Variants in ROBO1 observed in about 807,000 individuals in gnomAD.
The protein encoded by ROBO1 is roundabout homolog 1.
A neutral mutation model predicts 195.9 loss-of-function variants in ROBO1; 149 were observed. The observed-to-expected ratio is 0.76, with a 90% CI of 0.67 to 0.87. ROBO1 has a LOEUF of 0.87. Ranked by LOEUF, ROBO1 falls within the 40% of genes least tolerant of loss-of-function variation. The pLI is 0.00. For missense variants in ROBO1, 1,933 were observed against 2,068.3 expected (o/e 0.93, Z 1.27); for synonymous variants, 816 against 733.2 (o/e 1.11, Z -1.82).
chr3:79,637,721 C>T (rs1025665919), intron 1 of ROBO1, among the ~76,000 whole-genome samples: 3 of 151,904 alleles, frequency 2.0e-5, no homozygotes, highest in African/African-American at 7.3e-5. Context: ...TAACACATAA[C>T]ACAATGCTTT....
intron 2 of ROBO1, among the ~76,000 whole-genome samples, chr3:79,314,157 T>C (rs535670587): frequency 6.6e-6 from 1 of 152,356 alleles, no homozygotes; most frequent in South Asian, 2.1e-4. Context: ...TCATCTTTAC[T>C]TGGATTTTGT....
intron 2 of ROBO1, among the ~76,000 whole-genome samples, chr3:79,413,474 G>A (rs1026608775): frequency 2.0e-5 from 3 of 152,050 alleles, no homozygotes; most frequent in African/African-American, 7.2e-5. Context: ...ATTGTGGTCA[G>A]GTGTGGAGAA....
At chr3:79,399,551 T>C (rs542032381) in intron 2 of ROBO1, among the ~76,000 whole-genome samples, 11 of 152,188 alleles carry the variant, frequency 7.2e-5, no homozygotes, top group Non-Finnish European at 1.3e-4. Context: ...TATATACTGA[T>C]TAAGCCTGTA....
At chr3:79,677,937 A>T (rs1946834479) in intron 1 of ROBO1, among the ~76,000 whole-genome samples, 1 of 152,114 alleles carries the variant, frequency 6.6e-6, no homozygotes, top group African/African-American at 2.4e-5. Context: ...TAATAAATAC[A>T]TGCTATTTTA....
intron 2 of ROBO1, among the ~76,000 whole-genome samples, chr3:79,441,725 G>A (rs989741963): frequency 1.5e-4 from 23 of 152,116 alleles, no homozygotes; most frequent in South Asian, 1.0e-3. Flanking sequence ...GGAAAAAAAC[G>A]AATCTCATTT....
At chr3:79,303,008 C>G (rs889999398) in intron 2 of ROBO1, among the ~76,000 whole-genome samples, 2 of 151,902 alleles carry the variant, frequency 1.3e-5, no homozygotes, top group Non-Finnish European at 2.9e-5. Flanking sequence ...GTACATAGCT[C>G]AATTTTAAAT....
At position 78,646,184 on chromosome 3, in the gene ROBO1, T is replaced by C; in HGVS notation, c.2846A>G (p.Tyr949Cys). 6.2e-7 allele frequency: 1 copy of C among 1,607,664 alleles called. No individual in the cohort carries two copies. The highest frequency in any genetic ancestry group is 8.5e-7 in the Non-Finnish European group (1 of 1,175,620). The change falls in exon 21 of 31, where the codon TAC becomes TGC. Residue 949 changes from tyrosine (Y) to cysteine (C), a missense_variant. Physicochemically the swap from Tyr to Cys is radical, Grantham distance 194. Around this residue, in one of 3 missense-constraint regions of ROBO1, gnomAD observed 1,737 missense variants for 1,882.5 expected, o/e 0.92. Transcript: ENST00000464233. Reference protein sequence around the residue: ...PSFTFTPTVTYQRGGEAVSSG... With the variant: ...PSFTFTPTVTCQRGGEAVSSG... ...GCTGACAGCTTCGCCTCCTCTCTGG[T>C]AAGTTACTAGAATGTTACGAAAAAA...
intron 3 of ROBO1, among the ~76,000 whole-genome samples, chr3:79,044,334 T>A (rs1173518540): frequency 6.6e-6 from 1 of 152,090 alleles, no homozygotes; most frequent in Non-Finnish European, 1.5e-5. Flanking sequence ...TTTTATTAAA[T>A]AAATGAGTTA....
intron 3 of ROBO1, among the ~76,000 whole-genome samples, chr3:79,082,329 G>T (rs953239917): frequency 6.6e-6 from 1 of 151,986 alleles, no homozygotes; most frequent in African/African-American, 2.4e-5. Context: ...TACTTATTAT[G>T]CATTTATGAT....
At chr3:79,416,599 C>A (rs2038014080) in intron 2 of ROBO1, among the ~76,000 whole-genome samples, 1 of 140,488 alleles carries the variant, frequency 7.1e-6, no homozygotes. Context: ...GAGAGTGAAA[C>A]TCTTAAAAAA....
chr3:79,754,258 T>A (rs1354209544), intron 1 of ROBO1, among the ~76,000 whole-genome samples: 3 of 152,168 alleles, frequency 2.0e-5, no homozygotes, highest in African/African-American at 4.8e-5. Flanking sequence ...ATATTTTATA[T>A]GCAATGTTAG....
chr3:79,651,603 C>T (rs1159079894), intron 1 of ROBO1, among the ~76,000 whole-genome samples: 3 of 152,096 alleles, frequency 2.0e-5, no homozygotes, highest in Non-Finnish European at 4.4e-5. Context: ...AGTCAGCAAC[C>T]TCTTAGCCTT....
intron 3 of ROBO1, among the ~76,000 whole-genome samples, chr3:79,058,839 C>A (rs2078861507): frequency 6.6e-6 from 1 of 152,086 alleles, no homozygotes; most frequent in Non-Finnish European, 1.5e-5. Context: ...ACAGCAAATT[C>A]TAAAAAGATC....
At chr3:79,532,085 G>A (rs926838102) in intron 2 of ROBO1, among the ~76,000 whole-genome samples, 6 of 152,158 alleles carry the variant, frequency 3.9e-5, no homozygotes, top group African/African-American at 1.4e-4. Context: ...GGTCTGACCA[G>A]AGCAAAGGTA....
intron 1 of ROBO1, among the ~76,000 whole-genome samples, chr3:79,635,755 A>G (rs1945477634): frequency 6.6e-6 from 1 of 152,178 alleles, no homozygotes; most frequent in Non-Finnish European, 1.5e-5. Context: ...AAGGAATGGT[A>G]GAAGCATGAA....
chr3:79,621,625 G>T (rs13074921), intron 1 of ROBO1, among the ~76,000 whole-genome samples: 86,732 of 151,984 alleles, frequency 0.57, 26,227 homozygotes, highest in East Asian at 0.89. Context: ...TTTTTCTAAA[G>T]AAAAGAACTG....
intron 14 of ROBO1, among the ~76,000 whole-genome samples, chr3:78,665,549 T>C (rs1318328670): frequency 1.3e-5 from 2 of 152,358 alleles, no homozygotes; most frequent in Middle Eastern, 3.4e-3. Context: ...ATACTAGCTG[T>C]CTTTCTCAGT....
At chr3:79,370,948 G>C (rs2036171053) in intron 2 of ROBO1, among the ~76,000 whole-genome samples, 1 of 151,678 alleles carries the variant, frequency 6.6e-6, no homozygotes, top group South Asian at 2.1e-4. Context: ...TTGGTTTTCT[G>C]TTCCTGGGTT....
chr3:79,165,922 A>G (rs1401816865), intron 2 of ROBO1, among the ~76,000 whole-genome samples: 3 of 152,224 alleles, frequency 2.0e-5, no homozygotes, highest in Admixed American at 6.5e-5. Flanking sequence ...CAATCAGTTG[A>G]AAGACCTTAA....
Sources: gnomAD v4.1 joint callset for allele counts (sites outside exome capture counted in the v4.1 genomes callset) on GRCh38, gnomAD v4.1.1 for gene constraint, gnomAD v4.1.1 regional missense constraint, MANE v1.5 for transcripts, NCBI Gene and HGNC (gene_info 2026-07-23, HGNC 2026-07-21) for gene names.